LRRIQ3: variants seen among roughly 807,000 people sequenced by gnomAD.
The protein encoded by LRRIQ3 is leucine-rich repeat and IQ domain-containing protein 3.
Under a neutral mutation model 59.3 loss-of-function variants are expected in LRRIQ3, and 75 were observed. That is an observed-to-expected ratio of 1.26 (90% confidence interval 1.05 to 1.53). The LOEUF (loss-of-function observed/expected upper bound fraction) is 1.53, where lower values mean the gene tolerates loss of function less well. Among genes scored for constraint, LRRIQ3 ranks in the 40% most tolerant of loss-of-function variants. The pLI, the probability that LRRIQ3 is intolerant of heterozygous loss-of-function variation, is 0.00. For missense variants in LRRIQ3, 831 were observed against 710.0 expected (o/e 1.17, Z -1.94); for synonymous variants, 250 against 231.3 (o/e 1.08, Z -0.73).
intron 6 of LRRIQ3, among the ~76,000 whole-genome samples, chr1:74,067,302 TG>T (rs1654894198): frequency 6.6e-6 from 1 of 152,110 alleles, no homozygotes; most frequent in African/African-American, 2.4e-5. Context: ...TAACCACAAG[TG>T]GAAGTACACA....
At chr1:74,161,727 C>T (rs550897430) in intron 3 of LRRIQ3, among the ~76,000 whole-genome samples, 1 of 151,954 alleles carries the variant, frequency 6.6e-6, no homozygotes, top group African/African-American at 2.4e-5. Context: ...AATTCCTTCT[C>T]ATTAAAGAAA....
rs1403086448 is a variant in LRRIQ3 at position 74,087,734 on chromosome 1, T to C, written c.868-12944A>G. 3.3e-5 allele frequency among the ~76,000 whole-genome samples: 5 copies of C among 152,194 alleles called. No homozygotes were observed. In the East Asian group the frequency reaches 9.7e-4, roughly 29 times the overall value. On this transcript the variant is annotated intron_variant, in intron 5 of 7. Coordinates refer to ENST00000354431, the MANE Select transcript of LRRIQ3 (RefSeq NM_001105659.2). Reference sequence around the variant, plus strand: ...TATATGAGCAAAACTGATTTTTTAATTATAAAGACCATCATATTTGCATTA... The same window carrying C: ...TATATGAGCAAAACTGATTTTTTAACTATAAAGACCATCATATTTGCATTA...
intron 4 of LRRIQ3, among the ~76,000 whole-genome samples, chr1:74,151,788 AAG>A (rs59401008): frequency 0.01 from 1,533 of 152,282 alleles, 35 homozygotes; most frequent in African/African-American, 0.035. Context: ...AAACAGTGAA[AAG>A]AGAGAGCAAA....
intron 6 of LRRIQ3, among the ~76,000 whole-genome samples, chr1:74,072,291 G>A (rs764235761): frequency 7.9e-5 from 12 of 151,998 alleles, no homozygotes; most frequent in Non-Finnish European, 1.5e-4. Flanking sequence ...ATACAAAAGT[G>A]TGCAAGATAT....
intron 3 of LRRIQ3, among the ~76,000 whole-genome samples, chr1:74,173,454 C>T (rs1000128915): frequency 5.9e-5 from 9 of 152,014 alleles, no homozygotes; most frequent in African/African-American, 2.2e-4. Flanking sequence ...TAGTCTTTCT[C>T]TGTGGCTTGA....
At chr1:74,187,905 C>A (rs1049937730) in intron 1 of LRRIQ3, among the ~76,000 whole-genome samples, 1 of 152,120 alleles carries the variant, frequency 6.6e-6, no homozygotes, top group South Asian at 2.1e-4. Flanking sequence ...TTTGACCCAG[C>A]AATCCCATTA....
intron 4 of LRRIQ3, among the ~76,000 whole-genome samples, chr1:74,119,974 T>G (rs1450107019): frequency 6.6e-6 from 1 of 152,150 alleles, no homozygotes; most frequent in Non-Finnish European, 1.5e-5. Context: ...TGAAATCACT[T>G]ATGTTTAAAC....
chr1:74,108,941 T>C, intron 5 of LRRIQ3: 2 of 363,564 alleles, frequency 5.5e-6, no homozygotes, highest in South Asian at 2.2e-5. Flanking sequence ...TCTAGCACAG[T>C]GCCTGGGATA....
intron 4 of LRRIQ3, among the ~76,000 whole-genome samples, chr1:74,115,807 A>G (rs1646769521): frequency 6.6e-6 from 1 of 152,092 alleles, no homozygotes; most frequent in African/African-American, 2.4e-5. Context: ...AAATACCCAT[A>G]GCTTTCTTCA....
At chr1:74,076,202 C>T (rs993824704) in intron 5 of LRRIQ3, among the ~76,000 whole-genome samples, 5 of 152,058 alleles carry the variant, frequency 3.3e-5, no homozygotes, top group Non-Finnish European at 7.4e-5. Flanking sequence ...ATGATACTTT[C>T]TTTGGTAAGA....
chr1:74,166,938 A>AAAT (rs1382095371), intron 3 of LRRIQ3, among the ~76,000 whole-genome samples: 5 of 151,922 alleles, frequency 3.3e-5, no homozygotes, highest in Non-Finnish European at 7.4e-5. Flanking sequence ...CATAATAAAA[A>AAAT]AATAATAATA....
At chr1:74,107,433 GT>G (rs1646630318) in intron 5 of LRRIQ3, among the ~76,000 whole-genome samples, 1 of 151,390 alleles carries the variant, frequency 6.6e-6, no homozygotes, top group Admixed American at 6.6e-5. Flanking sequence ...TATCACTATA[GT>G]TTCTTACAAA....
rs146054623 is a variant in LRRIQ3, at chr1:74,162,902, T to C, written c.574-7036A>G. ...CAAAAGACAGAAAATTACATGTACA[T>C]AGGAGGAATAAGTTCTAGTGTTTAT... is the stretch of plus-strand genomic sequence containing the variant. On this transcript the variant is annotated intron_variant, in intron 3 of 7. Coordinates refer to ENST00000354431, the MANE Select transcript of LRRIQ3 (RefSeq NM_001105659.2). Among the ~76,000 whole-genome samples the C allele has an allele frequency of 2.9e-3, 447 of 151,602 alleles. 1 individual carries two copies. The highest frequency in any genetic ancestry group is 0.01 in the African/African-American group (421 of 41,464).
chr1:74,036,880 A>G (rs924728079), intron 7 of LRRIQ3, among the ~76,000 whole-genome samples: 1 of 152,242 alleles, frequency 6.6e-6, no homozygotes, highest in Admixed American at 6.5e-5. Flanking sequence ...ACTTGTACTA[A>G]GAAGTTTACT....
chr1:74,111,557 A>G (rs1646694970), intron 4 of LRRIQ3, among the ~76,000 whole-genome samples: 1 of 152,092 alleles, frequency 6.6e-6, no homozygotes, highest in Non-Finnish European at 1.5e-5. Context: ...TTTCTGGAAT[A>G]GAGATGTGAG....
chr1:74,162,679 T>A (rs1382672781), intron 3 of LRRIQ3, among the ~76,000 whole-genome samples: 1 of 151,824 alleles, frequency 6.6e-6, no homozygotes, highest in Non-Finnish European at 1.5e-5. Flanking sequence ...TCTAAATGCA[T>A]ATTGTACTTA....
intron 4 of LRRIQ3, among the ~76,000 whole-genome samples, chr1:74,132,317 C>T (rs1359493868): frequency 6.6e-6 from 1 of 152,104 alleles, no homozygotes; most frequent in East Asian, 1.9e-4. Flanking sequence ...TTTATAGATT[C>T]AATGCCATCC....
In LRRIQ3 at chr1:74,026,055, A is replaced by G. The variant is rs1653504710; in HGVS notation, c.*758T>C. 6.6e-6 allele frequency: 1 copy of G among 152,006 alleles called. No individual in the cohort carries two copies. Among genetic ancestry groups the G allele is most frequent in the Non-Finnish European group, 1.5e-5 (1 of 67,914 alleles). The allele number at this position is 152,006 out of a possible 1,614,324, so 9.4% of individuals were successfully genotyped here. On this transcript the variant is annotated 3_prime_UTR_variant, in exon 8 of 8. Coordinates refer to ENST00000354431, the MANE Select transcript of LRRIQ3 (RefSeq NM_001105659.2). Reference sequence around the variant, plus strand: ...TAACAGTTTATTTTTCAAATTTTCTACCATTGGTATGTATTAAACAGACTT... The same window carrying G: ...TAACAGTTTATTTTTCAAATTTTCTGCCATTGGTATGTATTAAACAGACTT...
intron 4 of LRRIQ3, among the ~76,000 whole-genome samples, chr1:74,149,210 A>C (rs1457785282): frequency 6.6e-6 from 1 of 152,132 alleles, no homozygotes; most frequent in Non-Finnish European, 1.5e-5. Context: ...ATAATATGTA[A>C]AGTGTTTTCT....
Sources: gnomAD v4.1 joint callset for allele counts (sites outside exome capture counted in the v4.1 genomes callset) on GRCh38, gnomAD v4.1.1 for gene constraint, MANE v1.5 for transcripts, NCBI Gene and HGNC (gene_info 2026-07-23, HGNC 2026-07-21) for gene names.